Variants in SDK1 observed in about 807,000 individuals in gnomAD.
SDK1 encodes the protein sidekick cell adhesion molecule 1, also known as protein sidekick-1.
A neutral mutation model predicts 245.5 loss-of-function variants in SDK1; 157 were observed. The ratio of observed to expected loss-of-function variants is 0.64; its 90% CI spans 0.56 to 0.73. SDK1 has a LOEUF of 0.73. Ranked by LOEUF, SDK1 falls within the 30% of genes least tolerant of loss-of-function variation. SDK1 has a pLI of 0.00. For missense variants in SDK1, 3,583 were observed against 3,002.3 expected (o/e 1.19, Z -4.52); for synonymous variants, 1,647 against 1,278.5 (o/e 1.29, Z -6.15).
At chr7:3,873,944 C>T (rs1781015500) in intron 5 of SDK1, among the ~76,000 whole-genome samples, 1 of 152,098 alleles carries the variant, frequency 6.6e-6, no homozygotes, top group South Asian at 2.1e-4. Flanking sequence ...TCTGAGTCTT[C>T]TTCTGATCAT....
At chr7:3,521,548 T>A (rs1049127226) in intron 1 of SDK1, among the ~76,000 whole-genome samples, 2 of 152,180 alleles carry the variant, frequency 1.3e-5, no homozygotes, top group East Asian at 3.9e-4. Flanking sequence ...TAAGCACTTA[T>A]GTTAGTGTTT....
intron 1 of SDK1, among the ~76,000 whole-genome samples, chr7:3,318,201 G>T (rs1779710981): frequency 6.6e-6 from 1 of 152,180 alleles, no homozygotes; most frequent in Non-Finnish European, 1.5e-5. Context: ...GCACACATGG[G>T]TATACCTTGT....
intron 4 of SDK1, among the ~76,000 whole-genome samples, chr7:3,792,120 C>T (rs114343109): frequency 0.013 from 1,964 of 152,024 alleles, 53 homozygotes; most frequent in African/African-American, 0.045. Flanking sequence ...AGGACGAGAC[C>T]CCCTTCCTAA....
At chr7:3,704,389 A>G (rs1187296205) in intron 4 of SDK1, among the ~76,000 whole-genome samples, 1 of 151,444 alleles carries the variant, frequency 6.6e-6, no homozygotes, top group Non-Finnish European at 1.5e-5. Flanking sequence ...CTTTTTAATA[A>G]TGGCCATTCT....
At chr7:3,313,240 T>TTTG (rs1779591083) in intron 1 of SDK1, among the ~76,000 whole-genome samples, 1 of 152,022 alleles carries the variant, frequency 6.6e-6, no homozygotes, top group Admixed American at 6.5e-5. Context: ...AATGCCATCT[T>TTTG]TACTAAAAAT....
chr7:3,796,475 C>T (rs905286045), intron 4 of SDK1, among the ~76,000 whole-genome samples: 1 of 152,196 alleles, frequency 6.6e-6, no homozygotes, highest in Non-Finnish European at 1.5e-5. Flanking sequence ...CTGCACATTC[C>T]CTGCCCAGAG....
chr7:3,314,815 C>G (rs1271797288), intron 1 of SDK1, among the ~76,000 whole-genome samples: 1 of 152,100 alleles, frequency 6.6e-6, no homozygotes, highest in Non-Finnish European at 1.5e-5. Flanking sequence ...TTATTTTAAA[C>G]CCACAATTGC....
At chr7:3,786,356 A>G (rs1344489929) in intron 4 of SDK1, among the ~76,000 whole-genome samples, 1 of 152,192 alleles carries the variant, frequency 6.6e-6, no homozygotes, top group Non-Finnish European at 1.5e-5. Context: ...GGAATACGTG[A>G]TATTAATTGA....
intron 1 of SDK1, among the ~76,000 whole-genome samples, chr7:3,365,855 G>A (rs1277588307): frequency 1.3e-5 from 2 of 151,814 alleles, no homozygotes; most frequent in Non-Finnish European, 2.9e-5. Flanking sequence ...TGGCCAACAT[G>A]GTGAAACTCT....
At chr7:3,857,372 A>G (rs1283054165) in intron 5 of SDK1, among the ~76,000 whole-genome samples, 1 of 152,184 alleles carries the variant, frequency 6.6e-6, no homozygotes, top group Non-Finnish European at 1.5e-5. Context: ...TTCAGGCAAT[A>G]TGATTACTTG....
At chr7:4,032,660 G>A (rs1237321276) in intron 17 of SDK1, among the ~76,000 whole-genome samples, 2 of 152,134 alleles carry the variant, frequency 1.3e-5, no homozygotes, top group Non-Finnish European at 2.9e-5. Context: ...AAAACAAACC[G>A]ACTTCATATG....
chr7:3,566,019 TATA>T (rs1447001754), intron 1 of SDK1, among the ~76,000 whole-genome samples: 3 of 152,044 alleles, frequency 2.0e-5, no homozygotes, highest in Admixed American at 1.3e-4. Flanking sequence ...ACGAAAGCAA[TATA>T]ATATCTATGA....
At chr7:3,411,391 A>G (rs1022115477) in intron 1 of SDK1, among the ~76,000 whole-genome samples, 3 of 152,224 alleles carry the variant, frequency 2.0e-5, no homozygotes, top group Admixed American at 6.5e-5. Flanking sequence ...ACATACAGTT[A>G]TAAGAATCAG....
intron 1 of SDK1, among the ~76,000 whole-genome samples, chr7:3,607,397 G>A (rs766513344): frequency 1.3e-5 from 2 of 152,080 alleles, no homozygotes; most frequent in Admixed American, 1.3e-4. Flanking sequence ...TAGTAAAACC[G>A]ACTATACTAT....
intron 35 of SDK1, among the ~76,000 whole-genome samples, chr7:4,199,957 TG>T (rs1783794641): frequency 6.6e-6 from 1 of 152,190 alleles, no homozygotes; most frequent in African/African-American, 2.4e-5. Flanking sequence ...TAGCCGGGTG[TG>T]GTGGCGGGCA....
chr7:3,998,749 C>T (rs75379184), intron 14 of SDK1, among the ~76,000 whole-genome samples: 53 of 152,180 alleles, frequency 3.5e-4, no homozygotes, highest in Admixed American at 7.9e-4. Context: ...TAACAATGTG[C>T]GGGAGGAACA....
At chr7:4,190,922 C>G (rs1783166079) in intron 35 of SDK1, among the ~76,000 whole-genome samples, 1 of 152,192 alleles carries the variant, frequency 6.6e-6, no homozygotes, top group Admixed American at 6.5e-5. Flanking sequence ...GGGGAGGCTC[C>G]TTGCCCACAG....
chr7:3,858,580 C>G lies in SDK1; in HGVS notation c.847+36997C>G, dbSNP rs6948552. ...ACCCACCTTTCCAAGTCGTCTATGT[C>G]TGCTTTGTGTATAAGACCCAGGGTT... On this transcript the variant is annotated intron_variant, in intron 5 of 44. Transcript: ENST00000404826. Among the ~76,000 whole-genome samples, 4 of 151,634 alleles carry G rather than the reference C, an allele frequency of 2.6e-5. No individual in the cohort carries two copies. The South Asian group carries it at 8.3e-4, about 32-fold the overall frequency.
intron 2 of SDK1, among the ~76,000 whole-genome samples, chr7:3,631,407 A>C (rs375774997): frequency 6.6e-6 from 1 of 152,194 alleles, no homozygotes. Flanking sequence ...TAATTTCTCT[A>C]GTTGTCCATC....
Sources: gnomAD v4.1 joint callset for allele counts (sites outside exome capture counted in the v4.1 genomes callset) on GRCh38, gnomAD v4.1.1 for gene constraint, MANE v1.5 for transcripts, NCBI Gene and HGNC (gene_info 2026-07-23, HGNC 2026-07-21) for gene names.